ZNF512B: variants seen among roughly 807,000 people sequenced by gnomAD.
ZNF512B encodes zinc finger protein 512B.
ZNF512B carries 22 observed loss-of-function variants against 87.8 expected under a neutral mutation model. That is an observed-to-expected ratio of 0.25 (90% confidence interval 0.18 to 0.36). ZNF512B has a LOEUF of 0.36. ZNF512B is among the 10% of genes least tolerant of loss of function. The pLI is 1.00. For synonymous variants in ZNF512B, 524 were observed against 490.9 expected (o/e 1.07, Z -0.89); for missense variants, 1,060 against 1,231.6 (o/e 0.86, Z 2.09).
At chr20:63,962,955 GAC>G in intron 12 of ZNF512B, 138 bp downstream of exon 12, 4 of 1,294,946 alleles carry the variant, frequency 3.1e-6, no homozygotes, top group Middle Eastern at 2.0e-4. Context: ...CGCCCACCAG[GAC>G]ACACGTCTCT....
intron 3 of ZNF512B, 100 bp from the exon 4 acceptor site, chr20:63,967,104 ACAC>A: frequency 1.3e-6 from 2 of 1,536,750 alleles, no homozygotes; most frequent in Non-Finnish European, 8.8e-7. Context: ...CAGGGCACAC[ACAC>A]CACATGAGCC....
chr20:63,963,544 C>G, intron 10 of ZNF512B, 74 bp downstream of exon 10: 1 of 1,599,328 alleles, frequency 6.3e-7, no homozygotes, highest in Non-Finnish European at 8.5e-7. Context: ...AGGTTAGAAA[C>G]CGGGGGCACT....
At position 63,960,147 on chromosome 20, in the gene ZNF512B, G is replaced by A. The variant is rs370753379; in HGVS notation, c.2428-8C>T. On this transcript the variant is annotated splice_polypyrimidine_tract_variant and splice_region_variant and intron_variant, in intron 16 of 16. Coordinates refer to ENST00000369888, the MANE Select transcript of ZNF512B (RefSeq NM_020713.3). ...TGATGTTCGGAACCAGTTCTGGGGA[G>A]AGAAAAGCGCTGATGAAGACCTGGG... The A allele has an allele frequency of 4.5e-5, 73 of 1,612,750 alleles. No individual in the cohort carries two copies. The highest frequency in any genetic ancestry group is 6.1e-5 in the Non-Finnish European group (72 of 1,179,626).
Position 63,963,198 on chromosome 20 carries a change from G to T in ZNF512B, c.1865C>A (p.Pro622His). Reference protein sequence around the residue: ...QYHQRRCGKPPCEVDSPSFPC... With the variant: ...QYHQRRCGKPHCEVDSPSFPC... ...GAAGGAGGGGCTGTCCACCTCGCAG[G>T]GCGGCTTCCCGCAGCGCCGCTGGTG... Residue 622 changes from proline (P) to histidine (H), a missense_variant, in exon 12 of 17, where the codon CCC (proline) becomes CAC (histidine). Pro to His is a moderately conservative substitution (Grantham distance 77, BLOSUM62 -2). This residue lies in a region of ZNF512B where 165 missense variants were observed against 173.0 expected (regional missense o/e 0.95). Transcript: ENST00000369888. 1 of 1,547,502 alleles carries T rather than the reference G, an allele frequency of 6.5e-7. No individual in the cohort carries two copies. Among genetic ancestry groups the T allele is most frequent in the Non-Finnish European group, 8.7e-7 (1 of 1,150,734 alleles).
intron 1 of ZNF512B, 146 bp downstream of exon 1, chr20:63,969,668 C>T (rs1347396719): frequency 1.0e-5 from 1 of 98,634 alleles, no homozygotes; most frequent in Non-Finnish European, 2.1e-5. Flanking sequence ...GGCGCCGGCG[C>T]GGGGCGCGGG....
At chr20:63,964,837 T>C (rs1450952683) in intron 5 of ZNF512B, 121 bp from the exon 6 acceptor site, 10 of 1,349,024 alleles carry the variant, frequency 7.4e-6, no homozygotes, top group Admixed American at 7.1e-5. Context: ...TCACCACTGT[T>C]CCCCGACCTG....
chr20:63,963,961 G>A (rs1222247743), intron 8 of ZNF512B, 48 bp from the exon 9 acceptor site: 3 of 1,601,212 alleles, frequency 1.9e-6, no homozygotes, highest in African/African-American at 1.3e-5. Flanking sequence ...CTGCTGGGTG[G>A]CCCAGACGCC....
chr20:63,962,795 A>C lies in ZNF512B; in HGVS notation c.1969-14T>G, dbSNP rs1372299473. 1 of 1,585,278 alleles carries C rather than the reference A, an allele frequency of 6.3e-7. No individual in the cohort carries two copies. The highest frequency in any genetic ancestry group is 1.1e-5 in the South Asian group (1 of 88,634). On this transcript the variant is annotated splice_polypyrimidine_tract_variant and intron_variant, in intron 12 of 16. Transcript: ENST00000369888. ...CTCCTCAGGGGGCTGGAGGGCAGGAAGGCATGGAGGCTAGAGTGAGCCGCG... is the reference window on the plus strand; with the variant it reads ...CTCCTCAGGGGGCTGGAGGGCAGGACGGCATGGAGGCTAGAGTGAGCCGCG...
At position 63,966,625 on chromosome 20, in the gene ZNF512B, GGCTGATGGTGACCGGCCT is replaced by G. The variant is rs775005903; in HGVS notation, c.532_549del (p.Thr181_Val186del). 1.2e-6 allele frequency: 2 copies of G among 1,613,254 alleles called. No individual in the cohort carries two copies. The highest frequency in any genetic ancestry group is 1.7e-6 in the Non-Finnish European group (2 of 1,179,906). ...ATGGGCTTGCTGACCCCAACAGGCC[GGCTGATGGTGACCGGCCT>G]GCTGATGGGCCCAGGCTTGGAGGCA... On this transcript the variant is annotated inframe_deletion, in exon 5 of 17. Coordinates refer to ENST00000369888, the MANE Select transcript of ZNF512B (RefSeq NM_020713.3).
intron 12 of ZNF512B, 25 bp downstream of exon 12, chr20:63,963,070 T>A: frequency 2.0e-6 from 3 of 1,529,266 alleles, no homozygotes; most frequent in Non-Finnish European, 2.6e-6. Flanking sequence ...ACAAGCACTG[T>A]GCCACAGAAC....
rs993180739 is a variant in ZNF512B, at chr20:63,966,942, G to A, written c.327C>T (p.Asn109=). ...TGGGGAACTCCAGCCAGCACCCTGA[G>A]TTTGGACACTTCACCCTCGAGTGTG... The part of the protein sequence containing the change: ...FKAHSRVKCP[N]SGCWLEFPSI... The change falls in exon 4 of 17, where the codon AAC becomes AAT. Residue 109 remains asparagine (N), a synonymous_variant. Coordinates refer to ENST00000369888, the MANE Select transcript of ZNF512B (RefSeq NM_020713.3). The A allele has an allele frequency of 1.2e-6, 2 of 1,613,702 alleles. No individual in the cohort carries two copies. The highest frequency in any genetic ancestry group is 3.3e-5 in the Admixed American group (2 of 60,010).
chr20:63,961,188 A>T lies in ZNF512B; in HGVS notation c.2427+121T>A. 2 of 847,836 alleles carry T rather than the reference A, an allele frequency of 2.4e-6. No individual in the cohort carries two copies. Among genetic ancestry groups the T allele is most frequent in the Non-Finnish European group, 3.8e-6 (2 of 529,576 alleles). 52.5% of individuals were successfully genotyped at this position (847,836 alleles called of 1,614,324 possible). On this transcript the variant is annotated intron_variant, in intron 16 of 16. Coordinates refer to ENST00000369888, the MANE Select transcript of ZNF512B (RefSeq NM_020713.3). This position sits in a 1 kb window ranked among gnomAD's most constrained non-coding sequence, Gnocchi z 6.4. ...ACTACCAGATTTCTCCACATTGGCCACTCTCCCAGGCACACCCCATGCAGG... is the reference window on the plus strand; with the variant it reads ...ACTACCAGATTTCTCCACATTGGCCTCTCTCCCAGGCACACCCCATGCAGG...
Position 63,962,748 on chromosome 20 carries a change from C to T in ZNF512B, c.2002G>A (p.Ala668Thr). ...PEEPTDKSPE[A>T]EDPLGVERTP... The stretch of plus-strand genomic sequence containing the variant: ...CGCTCCACACCCAGCGGGTCCTCAG[C>T]CTCAGGGGACTTGTCTGTGGGCTCC... The change falls in exon 13 of 17, where the codon GCT becomes ACT. Residue 668 changes from alanine (A) to threonine (T), a missense_variant. Around this residue, in one of 9 missense-constraint regions of ZNF512B, gnomAD observed 165 missense variants for 173.0 expected, o/e 0.95. Transcript: ENST00000369888. 2 of 1,603,296 alleles carry T rather than the reference C, an allele frequency of 1.2e-6. No homozygotes were observed. The highest frequency in any genetic ancestry group is 1.7e-6 in the Non-Finnish European group (2 of 1,175,702).
intron 1 of ZNF512B, among the ~76,000 whole-genome samples, 178 bp downstream of exon 1, chr20:63,969,636 G>A (rs1287808842): frequency 1.4e-5 from 2 of 144,986 alleles, no homozygotes; most frequent in African/African-American, 5.0e-5. Context: ...ACTTTTTCTG[G>A]AGAAGGAGGA....
chr20:63,961,866 G>A lies in ZNF512B; in HGVS notation c.2328+76C>T. ...ACAAGGCAGGGTCCCTCACTACTGTGTGGGAAGCCCGCGTGGGGTGAGCTG... is the reference window on the plus strand; with the variant it reads ...ACAAGGCAGGGTCCCTCACTACTGTATGGGAAGCCCGCGTGGGGTGAGCTG... On this transcript the variant is annotated intron_variant, in intron 15 of 16. Transcript: ENST00000369888. This position sits in a 1 kb window ranked among gnomAD's most constrained non-coding sequence, Gnocchi z 6.4. The A allele has an allele frequency of 2.0e-6, 3 of 1,464,044 alleles. No individual in the cohort carries two copies. The highest frequency in any genetic ancestry group is 2.8e-6 in the Non-Finnish European group (3 of 1,069,322). 90.7% of individuals were successfully genotyped at this position (1,464,044 alleles called of 1,614,324 possible). A position where few individuals can be genotyped will look rare whatever the true frequency, so the allele number is the denominator to read the frequency against.
chr20:63,961,767 G>C lies in ZNF512B; in HGVS notation c.2328+175C>G, dbSNP rs1214011926. 6.6e-6 allele frequency among the ~76,000 whole-genome samples: 1 copy of C among 152,134 alleles called. No homozygotes were observed. Among genetic ancestry groups the C allele is most frequent in the African/African-American group, 2.4e-5 (1 of 41,426 alleles). ...TGGCTGGGGTTGGGGCGAGGGAGGTGTCCTAGGCTGGCCATCAGCCACCGG... is the reference window on the plus strand; with the variant it reads ...TGGCTGGGGTTGGGGCGAGGGAGGTCTCCTAGGCTGGCCATCAGCCACCGG... On this transcript the variant is annotated intron_variant, in intron 15 of 16. Transcript: ENST00000369888. This position sits in a 1 kb window ranked among gnomAD's most constrained non-coding sequence, Gnocchi z 6.4.
chr20:63,969,246 GAGA>G (rs2058956526), intron 1 of ZNF512B: 1 of 947,448 alleles, frequency 1.1e-6, no homozygotes, highest in Middle Eastern at 5.4e-4. Flanking sequence ...TGAAGCCTGG[GAGA>G]AGAATTCAGA....
rs1482463157 is a variant in ZNF512B, at chr20:63,957,888, A to C, written c.*2000T>G. The C allele has an allele frequency of 4.5e-5, 4 of 89,440 alleles. No individual in the cohort carries two copies. Among genetic ancestry groups the C allele is most frequent in the Admixed American group, 3.8e-4 (3 of 7,796 alleles). The allele number at this position is 89,440 out of a possible 1,614,324, so 5.5% of individuals were successfully genotyped here. On this transcript the variant is annotated 3_prime_UTR_variant, in exon 17 of 17. Coordinates refer to ENST00000369888, the MANE Select transcript of ZNF512B (RefSeq NM_020713.3). ...CAGCAGCTGCCAGACCCCACCCTCCACCTCCGGCTCCTCCAGCTCCACCAG... is the reference window on the plus strand; with the variant it reads ...CAGCAGCTGCCAGACCCCACCCTCCCCCTCCGGCTCCTCCAGCTCCACCAG...
At position 63,963,411 on chromosome 20, in the gene ZNF512B, GC is replaced by G; in HGVS notation, c.1727del (p.Gly576AlafsTer13). The G allele has an allele frequency of 6.5e-7, 1 of 1,548,674 alleles. No individual in the cohort carries two copies. The highest frequency in any genetic ancestry group is 2.4e-5 in the East Asian group (1 of 41,552). On this transcript the variant is annotated frameshift_variant, in exon 11 of 17. Transcript: ENST00000369888. LOFTEE classifies it high-confidence loss of function. ...KPSDAEASEG[G>X]EQEERERLRK... Reference sequence around the variant, plus strand: ...GCAGCCTCTCGCGCTCCTCCTGCTCGCCCCCTTCGGAGGCCTCGGCGTCAGA... The same window carrying G: ...GCAGCCTCTCGCGCTCCTCCTGCTCGCCCCTTCGGAGGCCTCGGCGTCAGA...
Sources: gnomAD v4.1 joint callset for allele counts (sites outside exome capture counted in the v4.1 genomes callset) on GRCh38, gnomAD v4.1.1 for gene constraint, gnomAD v4.1.1 regional missense constraint, Gnocchi (gnomAD v3.1) non-coding constraint, MANE v1.5 for transcripts, NCBI Gene and HGNC (gene_info 2026-07-23, HGNC 2026-07-21) for gene names.